RUFY1: variants seen among roughly 807,000 people sequenced by gnomAD.
RUFY1 encodes the protein RUN and FYVE domain-containing protein 1.
Under a neutral mutation model 94.6 loss-of-function variants are expected in RUFY1, and 54 were observed. The observed-to-expected ratio is 0.57, with a 90% CI of 0.46 to 0.72. RUFY1 has a LOEUF of 0.72. Among genes scored for constraint, RUFY1 ranks in the 30% least tolerant of loss-of-function variants. The pLI is 0.00. For missense variants in RUFY1, 883 were observed against 883.9 expected, an observed-to-expected ratio of 1.00 and a Z score of 0.01; for synonymous variants, 396 against 347.3, an observed-to-expected ratio of 1.14 and a Z score of -1.56.
chr5:179,560,515 C>T (rs1043115022), intron 2 of RUFY1, among the ~76,000 whole-genome samples: 4 of 151,126 alleles, frequency 2.6e-5, no homozygotes, highest in Non-Finnish European at 5.9e-5. Context: ...GTCAGGATAT[C>T]GAGACCATCC....
chr5:179,597,530 C>T (rs1433748703), intron 13 of RUFY1, among the ~76,000 whole-genome samples: 1 of 152,152 alleles, frequency 6.6e-6, no homozygotes, highest in East Asian at 1.9e-4. Flanking sequence ...GCCACTGCGC[C>T]CAGCCTAATT....
chr5:179,603,577 C>T (rs896470225), intron 15 of RUFY1: 13 of 152,468 alleles, frequency 8.5e-5, no homozygotes, highest in African/African-American at 2.9e-4. Flanking sequence ...GAGCATAGGC[C>T]AGCTGTGAGG....
intron 2 of RUFY1, 70 bp downstream of exon 2, chr5:179,560,268 C>T (rs1200697914): frequency 1.3e-6 from 2 of 1,534,460 alleles, no homozygotes; most frequent in Non-Finnish European, 1.8e-6. Context: ...TTTTCATCAG[C>T]GCCAGACATC....
At chr5:179,556,649 C>A (rs760400509) in intron 1 of RUFY1, among the ~76,000 whole-genome samples, 2 of 151,954 alleles carry the variant, frequency 1.3e-5, no homozygotes, top group African/African-American at 2.4e-5. Context: ...TACAGGTGCA[C>A]GCCAGCACGC....
intron 6 of RUFY1, among the ~76,000 whole-genome samples, chr5:179,579,768 G>T (rs565122282): frequency 7.0e-6 from 1 of 142,328 alleles, no homozygotes; most frequent in South Asian, 2.3e-4. Context: ...AGTTCAATCA[G>T]TTCTCCTCCT....
intron 4 of RUFY1, among the ~76,000 whole-genome samples, chr5:179,568,459 G>A (rs1762994516): frequency 6.6e-6 from 1 of 152,122 alleles, no homozygotes. Flanking sequence ...GCCTTTCAGT[G>A]TTTTCAAGTC....
At chr5:179,609,182 G>A (rs1333014658) in intron 17 of RUFY1, among the ~76,000 whole-genome samples, 194 bp from the exon 18 acceptor site, 12 of 145,858 alleles carry the variant, frequency 8.2e-5, no homozygotes, top group African/African-American at 2.3e-4. Flanking sequence ...ACTGCAGCCC[G>A]GGCGACTGAG....
chr5:179,609,564 T>C lies in RUFY1; in HGVS notation c.*45T>C, dbSNP rs754487809. 1.3e-6 allele frequency: 2 copies of C among 1,519,358 alleles called. No homozygotes were observed. The highest frequency in any genetic ancestry group is 2.4e-5 in the East Asian group (1 of 40,956). The allele number at this position is 1,519,358 out of a possible 1,614,324, so 94.1% of individuals were successfully genotyped here. On this transcript the variant is annotated 3_prime_UTR_variant, in exon 18 of 18. Transcript: ENST00000319449. Reference sequence around the variant, plus strand: ...CAGCCTCACGGACAGTGCCAAACCCTGTGGGTCTCCAGGGGCTTGGGAAAT... The same window carrying C: ...CAGCCTCACGGACAGTGCCAAACCCCGTGGGTCTCCAGGGGCTTGGGAAAT...
Position 179,570,298 on chromosome 5 carries a change from G to A in RUFY1, c.828+873G>A, listed in dbSNP as rs372838619. Among the ~76,000 whole-genome samples, 6 of 152,304 alleles carry A rather than the reference G, an allele frequency of 3.9e-5. No individual in the cohort carries two copies. The South Asian group carries it at 1.2e-3, about 32-fold the overall frequency. On this transcript the variant is annotated intron_variant, in intron 5 of 17. Coordinates refer to ENST00000319449, the MANE Select transcript of RUFY1 (RefSeq NM_025158.5). Reference sequence around the variant, plus strand: ...GAAAGCTCAATCTAGCAGCCATTCAGGTTATGAGTTGGAAGTGGCCAAGAA... The same window carrying A: ...GAAAGCTCAATCTAGCAGCCATTCAAGTTATGAGTTGGAAGTGGCCAAGAA...
chr5:179,582,522 G>T (rs970245639), intron 7 of RUFY1, among the ~76,000 whole-genome samples: 1 of 152,198 alleles, frequency 6.6e-6, no homozygotes, highest in African/African-American at 2.4e-5. Flanking sequence ...ACCTCGCCCA[G>T]CCAGGATCAT....
intron 5 of RUFY1, among the ~76,000 whole-genome samples, chr5:179,573,123 A>G (rs1581460832): frequency 6.6e-6 from 1 of 152,284 alleles, no homozygotes; most frequent in Non-Finnish European, 1.5e-5. Context: ...CTGTGTTCCT[A>G]TGCCAGTGAC....
chr5:179,559,867 C>T (rs1189225099), intron 1 of RUFY1, 158 bp from the exon 2 acceptor site: 5 of 1,422,240 alleles, frequency 3.5e-6, no homozygotes, highest in African/African-American at 2.9e-5. Flanking sequence ...GGATCAGGGA[C>T]TACTTACCTG....
intron 2 of RUFY1, among the ~76,000 whole-genome samples, chr5:179,561,355 CA>C (rs1266671772): frequency 6.6e-6 from 1 of 151,852 alleles, no homozygotes; most frequent in Non-Finnish European, 1.5e-5. Flanking sequence ...GACATGAGGT[CA>C]GGGGAGTAGG....
Position 179,573,070 on chromosome 5 carries a change from A to G in RUFY1, c.828+3645A>G, listed in dbSNP as rs190427352. 8.5e-5 allele frequency among the ~76,000 whole-genome samples: 13 copies of G among 152,310 alleles called. No individual in the cohort carries two copies. In the East Asian group the frequency reaches 2.3e-3, roughly 27 times the overall value. The stretch of plus-strand genomic sequence containing the variant: ...TTATCATATGTGAAATATCCATAAT[A>G]TGCATTGGTTTATTTCTGGACTCTT... On this transcript the variant is annotated intron_variant, in intron 5 of 17. Transcript: ENST00000319449.
At chr5:179,606,221 GA>G (rs1017477204) in intron 16 of RUFY1, 17 of 474,384 alleles carry the variant, frequency 3.6e-5, no homozygotes, top group Non-Finnish European at 6.4e-5. Flanking sequence ...GGAGAGGAGG[GA>G]CCCGCGGATA....
intron 11 of RUFY1, 93 bp downstream of exon 11, chr5:179,593,738 T>TAG: frequency 2.0e-6 from 3 of 1,508,464 alleles, no homozygotes; most frequent in Middle Eastern, 1.8e-4. Context: ...AGTAGACACA[T>TAG]AGAGCCCCTC....
At position 179,589,625 on chromosome 5, in the gene RUFY1, A is replaced by C. The variant is rs749511939; in HGVS notation, c.1106A>C (p.Glu369Ala). Residue 369 changes from glutamate (E) to alanine (A), a missense_variant, in exon 9 of 18, where the codon GAA becomes GCA. Physicochemically the swap from Glu to Ala is moderately radical, Grantham distance 107. Coordinates refer to ENST00000319449, the MANE Select transcript of RUFY1 (RefSeq NM_025158.5). Reference protein sequence around the residue: ...QLREQNELIRERSEKSVEITK... With the variant: ...QLREQNELIRARSEKSVEITK... Reference sequence around the variant, plus strand: ...AGAGAACAAAATGAATTAATTCGAGAAAGAAGTGAAAAGAGTGTAGAGGTG... The same window carrying C: ...AGAGAACAAAATGAATTAATTCGAGCAAGAAGTGAAAAGAGTGTAGAGGTG... The C allele has an allele frequency of 1.2e-6, 2 of 1,613,334 alleles. No homozygotes were observed. The highest frequency in any genetic ancestry group is 1.7e-5 in the Admixed American group (1 of 60,014).
chr5:179,591,179 TTTTTTTTG>T (rs1765056851), intron 9 of RUFY1, among the ~76,000 whole-genome samples: 1 of 150,114 alleles, frequency 6.7e-6, no homozygotes, highest in African/African-American at 2.5e-5. Context: ...CTCATTCTTC[TTTTTTTTG>T]TTTTTTTTTG....
intron 4 of RUFY1, among the ~76,000 whole-genome samples, chr5:179,568,773 G>A (rs1317551683): frequency 6.6e-6 from 1 of 152,142 alleles, no homozygotes; most frequent in African/African-American, 2.4e-5. Context: ...ACTGGATTTG[G>A]TACATTAGCA....
Sources: gnomAD v4.1 joint callset for allele counts (sites outside exome capture counted in the v4.1 genomes callset) on GRCh38, gnomAD v4.1.1 for gene constraint, MANE v1.5 for transcripts, NCBI Gene and HGNC (gene_info 2026-07-23, HGNC 2026-07-21) for gene names.